VSNL1: variants seen among roughly 807,000 people sequenced by gnomAD.
VSNL1 encodes visinin like 1.
VSNL1 carries 6 observed loss-of-function variants against 20.4 expected under a neutral mutation model. The observed-to-expected ratio is 0.29, with a 90% confidence interval of 0.16 to 0.58. VSNL1 has a LOEUF of 0.58. VSNL1 is among the 20% of genes least tolerant of loss of function. The pLI is 0.90. For synonymous variants in VSNL1, 93 were observed against 86.4 expected (o/e 1.08, Z -0.42); for missense variants, 100 against 234.5 (o/e 0.43, Z 3.75).
chr2:17,616,269 C>T (rs772993438), intron 2 of VSNL1, among the ~76,000 whole-genome samples: 2 of 152,256 alleles, frequency 1.3e-5, no homozygotes, highest in Non-Finnish European at 2.9e-5. Context: ...CACTCACATA[C>T]TGTGAACATC....
chr2:17,589,009 A>T (rs62132091), intron 1 of VSNL1, among the ~76,000 whole-genome samples: 17,243 of 152,148 alleles, frequency 0.11, 1,276 homozygotes, highest in African/African-American at 0.21. Flanking sequence ...AGAGAAATAC[A>T]TAATGATCAT....
intron 3 of VSNL1, among the ~76,000 whole-genome samples, chr2:17,652,074 T>C (rs1285170263): frequency 6.6e-6 from 1 of 152,240 alleles, no homozygotes; most frequent in Non-Finnish European, 1.5e-5. Context: ...GATTTTCTCA[T>C]ACATTTAGTG....
chr2:17,581,130 A>G (rs1462374227), intron 1 of VSNL1, among the ~76,000 whole-genome samples: 2 of 152,024 alleles, frequency 1.3e-5, no homozygotes, highest in Non-Finnish European at 2.9e-5. Flanking sequence ...TTTTTCTTTC[A>G]TTTTTATTCC....
intron 2 of VSNL1, among the ~76,000 whole-genome samples, chr2:17,641,838 G>A (rs1034980309): frequency 7.2e-5 from 11 of 152,144 alleles, no homozygotes; most frequent in Non-Finnish European, 1.3e-4. Context: ...ATGAGAAAGG[G>A]AGAAAGAGAA....
At chr2:17,600,235 T>C (rs1301002149) in intron 2 of VSNL1, among the ~76,000 whole-genome samples, 1 of 152,222 alleles carries the variant, frequency 6.6e-6, no homozygotes, top group African/African-American at 2.4e-5. Context: ...CACAGACCAC[T>C]CTGCCCCTCA....
At chr2:17,584,170 C>CT (rs1363649014) in intron 1 of VSNL1, among the ~76,000 whole-genome samples, 2 of 152,122 alleles carry the variant, frequency 1.3e-5, no homozygotes, top group African/African-American at 4.8e-5. Flanking sequence ...CCAGCACACA[C>CT]TTTTTTTCCC....
At chr2:17,626,278 C>G (rs956937069) in intron 2 of VSNL1, among the ~76,000 whole-genome samples, 1 of 152,192 alleles carries the variant, frequency 6.6e-6, no homozygotes, top group Admixed American at 6.5e-5. Context: ...CTGGCCGTAG[C>G]TAGCGAATCA....
At chr2:17,601,784 A>G (rs908187049) in intron 2 of VSNL1, among the ~76,000 whole-genome samples, 2 of 151,916 alleles carry the variant, frequency 1.3e-5, no homozygotes, top group Non-Finnish European at 2.9e-5. Context: ...GAAATACAAA[A>G]ATTAGCTGGG....
chr2:17,650,851 C>G (rs904007163), intron 3 of VSNL1, among the ~76,000 whole-genome samples: 3 of 152,220 alleles, frequency 2.0e-5, no homozygotes, highest in Admixed American at 1.3e-4. Context: ...GTTGGCTTCT[C>G]CCCTTCTATC....
intron 2 of VSNL1, among the ~76,000 whole-genome samples, chr2:17,614,526 C>T (rs1186539053): frequency 6.6e-6 from 1 of 152,184 alleles, no homozygotes; most frequent in Non-Finnish European, 1.5e-5. Context: ...GTTTTCTTGT[C>T]CTGTCCCCAT....
intron 1 of VSNL1, among the ~76,000 whole-genome samples, chr2:17,561,309 G>A (rs1237836002): frequency 2.6e-5 from 4 of 152,186 alleles, no homozygotes; most frequent in Admixed American, 2.6e-4. Flanking sequence ...ATAGGAGTCA[G>A]CCAGGTGAAG....
At chr2:17,589,688 C>T (rs1241789800) in intron 1 of VSNL1, among the ~76,000 whole-genome samples, 2 of 152,338 alleles carry the variant, frequency 1.3e-5, no homozygotes, top group African/African-American at 4.8e-5. Flanking sequence ...AGACCACCCT[C>T]TCCAAAGTCA....
At chr2:17,629,000 C>G (rs1454038364) in intron 2 of VSNL1, among the ~76,000 whole-genome samples, 1 of 152,214 alleles carries the variant, frequency 6.6e-6, no homozygotes, top group African/African-American at 2.4e-5. Flanking sequence ...AAAGAGAATG[C>G]CTGCCTTCAA....
At chr2:17,586,869 A>G (rs1293947748) in intron 1 of VSNL1, among the ~76,000 whole-genome samples, 1 of 152,164 alleles carries the variant, frequency 6.6e-6, no homozygotes, top group Admixed American at 6.5e-5. Context: ...TGGAGGAAAA[A>G]AGCACAAGGG....
At chr2:17,566,379 G>T (rs997973266) in intron 1 of VSNL1, among the ~76,000 whole-genome samples, 1 of 152,088 alleles carries the variant, frequency 6.6e-6, no homozygotes, top group Admixed American at 6.5e-5. Flanking sequence ...TATATTAGAA[G>T]AATTCATATT....
rs1045142064 is a variant in VSNL1 at position 17,634,896 on chromosome 2, C to T, written c.163-14514C>T. Among the ~76,000 whole-genome samples the T allele has an allele frequency of 6.6e-6, 1 of 152,166 alleles. No individual in the cohort carries two copies. Among genetic ancestry groups the T allele is most frequent in the African/African-American group, 2.4e-5 (1 of 41,446 alleles). On this transcript the variant is annotated intron_variant, in intron 2 of 3. Transcript: ENST00000295156. The surrounding 1 kb of genome is among the most constrained non-coding windows in gnomAD (Gnocchi z 4.3). The stretch of plus-strand genomic sequence containing the variant: ...AGGGAGTTACTGCTCCTGCTTGGTT[C>T]TGACTCACGGTCAGGCTCTAACTGG...
chr2:17,544,116 G>A (rs569289177), intron 1 of VSNL1, among the ~76,000 whole-genome samples: 1 of 152,286 alleles, frequency 6.6e-6, no homozygotes, highest in Non-Finnish European at 1.5e-5. Flanking sequence ...AGTCCCACTT[G>A]GGATCTCTTT....
intron 1 of VSNL1, among the ~76,000 whole-genome samples, chr2:17,563,941 A>C (rs1043383356): frequency 6.6e-6 from 1 of 151,976 alleles, no homozygotes; most frequent in Non-Finnish European, 1.5e-5. Flanking sequence ...TTACCTTCTT[A>C]CTTCTAAATA....
intron 3 of VSNL1, among the ~76,000 whole-genome samples, chr2:17,652,867 C>G (rs1666149488): frequency 6.6e-6 from 1 of 152,170 alleles, no homozygotes; most frequent in Admixed American, 6.6e-5. Flanking sequence ...CTTCCTCCTC[C>G]AATTGTTGTC....
Sources: allele counts gnomAD v4.1 joint callset (sites outside exome capture counted in the v4.1 genomes callset), GRCh38; gene constraint gnomAD v4.1.1; non-coding constraint Gnocchi (gnomAD v3.1); transcripts MANE v1.5; gene names NCBI Gene and HGNC (gene_info 2026-07-23, HGNC 2026-07-21).